The following CUL1 variants were observed in gnomAD, a reference collection of about 807,000 sequenced individuals.
CUL1 encodes cullin-1.
CUL1 carries 24 observed loss-of-function variants against 118.0 expected under a neutral mutation model. The observed-to-expected ratio is 0.20, with a 90% CI of 0.15 to 0.29. CUL1 has a LOEUF of 0.29. Among genes scored for constraint, CUL1 ranks in the 10% least tolerant of loss-of-function variants. CUL1 has a pLI of 1.00. For missense variants in CUL1, 361 were observed against 933.8 expected, an observed-to-expected ratio of 0.39 and a Z score of 7.99; for synonymous variants, 332 against 340.4, an observed-to-expected ratio of 0.98 and a Z score of 0.27.
rs553966274 is a variant in CUL1 at position 148,754,574 on chromosome 7, G to T, written c.315+424G>T. ...TTTGGATTTGGTTGTTAGAAATGAT[G>T]AACTTTTTCATTTAAAGCAAATATG... On this transcript the variant is annotated intron_variant, in intron 3 of 21. Coordinates refer to ENST00000325222, the MANE Select transcript of CUL1 (RefSeq NM_003592.3). 3.3e-5 allele frequency among the ~76,000 whole-genome samples: 5 copies of T among 152,256 alleles called. No individual in the cohort carries two copies. The East Asian group carries it at 9.6e-4, about 29-fold the overall frequency.
At chr7:148,737,416 A>T (rs1798985846) in intron 2 of CUL1, among the ~76,000 whole-genome samples, 1 of 151,996 alleles carries the variant, frequency 6.6e-6, no homozygotes, top group Non-Finnish European at 1.5e-5. Flanking sequence ...AAATGCACGT[A>T]CCCACAGACT....
intron 9 of CUL1, chr7:148,783,237 C>T: frequency 7.2e-6 from 5 of 695,254 alleles, no homozygotes; most frequent in Non-Finnish European, 8.9e-6. Flanking sequence ...TGCCCTGCGC[C>T]GCGCTCCGCC....
chr7:148,784,406 T>G (rs1165985179), intron 11 of CUL1, among the ~76,000 whole-genome samples: 1 of 152,222 alleles, frequency 6.6e-6, no homozygotes, highest in Non-Finnish European at 1.5e-5. Flanking sequence ...GCCTTTGTTA[T>G]TCTGTGTAGT....
Position 148,714,348 on chromosome 7 carries a change from T to A in CUL1, c.-162+15319T>A, listed in dbSNP as rs189770755. 2.6e-3 allele frequency among the ~76,000 whole-genome samples: 390 copies of A among 152,346 alleles called. 2 individuals carry two copies. Among genetic ancestry groups the A allele is most frequent in the Non-Finnish European group, 4.3e-3 (291 of 68,032 alleles). On this transcript the variant is annotated intron_variant, in intron 1 of 21. Transcript: ENST00000325222. ...GTACTATAAGCAGTTTTTTCTCTTT[T>A]GTTTTGCTTTTAAGCAATTTTCAGT...
chr7:148,725,247 A>ACC (rs1554463830), intron 1 of CUL1, among the ~76,000 whole-genome samples: 4,596 of 150,998 alleles, frequency 0.03, 267 homozygotes, highest in African/African-American at 0.11. Context: ...ACACACACAC[A>ACC]CCCGTACCCC....
intron 9 of CUL1, among the ~76,000 whole-genome samples, chr7:148,772,899 TCTC>T (rs1800263446): frequency 6.6e-6 from 1 of 151,934 alleles, no homozygotes; most frequent in East Asian, 1.9e-4. Flanking sequence ...TAGCAAGCTG[TCTC>T]CTCCTCTGTC....
At chr7:148,783,055 T>C (rs902542635) in intron 9 of CUL1, among the ~76,000 whole-genome samples, 1 of 152,100 alleles carries the variant, frequency 6.6e-6, no homozygotes, top group Non-Finnish European at 1.5e-5. Context: ...TCATGAAGGG[T>C]GGTGGCGGCG....
intron 1 of CUL1, among the ~76,000 whole-genome samples, chr7:148,718,973 T>C (rs1248201818): frequency 1.3e-5 from 2 of 152,172 alleles, no homozygotes; most frequent in African/African-American, 4.8e-5. Context: ...TTAGAGCCAG[T>C]GGACTTAAAG....
chr7:148,698,483 C>A (rs1439855834), upstream of CUL1: 1 of 152,156 alleles, frequency 6.6e-6, no homozygotes, highest in East Asian at 1.9e-4. Flanking sequence ...GGCAGAGAAT[C>A]CGGCGCGCCG....
Position 148,800,402 on chromosome 7 carries a change from CAG to C in CUL1, c.2251-99_2251-98del, listed in dbSNP as rs542718421. 91 of 919,334 alleles carry C rather than the reference CAG, an allele frequency of 9.9e-5. No individual in the cohort carries two copies. The highest frequency in any genetic ancestry group is 2.6e-4 in the African/African-American group (16 of 60,980). 56.9% of individuals were successfully genotyped at this position (919,334 alleles called of 1,614,324 possible). On this transcript the variant is annotated intron_variant, in intron 21 of 21. Coordinates refer to ENST00000325222, the MANE Select transcript of CUL1 (RefSeq NM_003592.3). The surrounding 1 kb of genome is among the most constrained non-coding windows in gnomAD (Gnocchi z 4.6). ...CACTGCTCCCCACTGAGCTCCGAATCAGGGGAGATTTGTGGTGGGGGCAGCCT... is the reference window on the plus strand; with the variant it reads ...CACTGCTCCCCACTGAGCTCCGAATCGGGAGATTTGTGGTGGGGGCAGCCT...
intron 11 of CUL1, among the ~76,000 whole-genome samples, chr7:148,784,457 C>CA: frequency 6.6e-6 from 1 of 152,310 alleles, no homozygotes. Flanking sequence ...GTTGCTGTTT[C>CA]ATATTCTTTA....
chr7:148,730,370 G>A, intron 2 of CUL1, 108 bp downstream of exon 2: 2 of 1,261,618 alleles, frequency 1.6e-6, no homozygotes, highest in Non-Finnish European at 2.1e-6. Flanking sequence ...AGTTCATCAT[G>A]TAAAATAATC....
At chr7:148,737,789 C>A (rs563543605) in intron 2 of CUL1, among the ~76,000 whole-genome samples, 1 of 151,554 alleles carries the variant, frequency 6.6e-6, no homozygotes, top group South Asian at 2.1e-4. Flanking sequence ...TTAGTAGATA[C>A]GGGGTTTCAT....
intron 9 of CUL1, among the ~76,000 whole-genome samples, chr7:148,774,770 G>C (rs1370230032): frequency 6.6e-6 from 1 of 152,208 alleles, no homozygotes; most frequent in Non-Finnish European, 1.5e-5. Flanking sequence ...AGGGCTGCTG[G>C]GTCTAACATT....
At position 148,787,969 on chromosome 7, in the gene CUL1, G is replaced by C. The variant is rs561323506; in HGVS notation, c.1480-588G>C. The stretch of plus-strand genomic sequence containing the variant: ...CCAGGTAGCTTAAACAACAGAAATA[G>C]TTTCTCACAATTCTGGGGGCCACAA... On this transcript the variant is annotated intron_variant, in intron 13 of 21. Transcript: ENST00000325222. This position sits in a 1 kb window ranked among gnomAD's most constrained non-coding sequence, Gnocchi z 5.5. 9.8e-5 allele frequency among the ~76,000 whole-genome samples: 15 copies of C among 152,306 alleles called. No homozygotes were observed. The South Asian group carries it at 3.1e-3, about 32-fold the overall frequency.
intron 1 of CUL1, among the ~76,000 whole-genome samples, chr7:148,705,799 C>T (rs1229232508): frequency 6.6e-6 from 1 of 152,162 alleles, no homozygotes; most frequent in Non-Finnish European, 1.5e-5. Flanking sequence ...TCTATAGGAA[C>T]TTGGAGACTT....
At chr7:148,713,582 GA>G (rs1000721707) in intron 1 of CUL1, among the ~76,000 whole-genome samples, 10 of 151,722 alleles carry the variant, frequency 6.6e-5, no homozygotes, top group South Asian at 2.1e-4. Flanking sequence ...AACTCTAAGA[GA>G]AAAAAAATTG....
chr7:148,763,344 A>G (rs544574500), intron 7 of CUL1, among the ~76,000 whole-genome samples: 18 of 152,244 alleles, frequency 1.2e-4, no homozygotes, highest in Middle Eastern at 3.4e-3. Flanking sequence ...ATCCACTTGG[A>G]TCACACCAAA....
At chr7:148,715,584 A>T (rs1293478074) in intron 1 of CUL1, among the ~76,000 whole-genome samples, 1 of 152,120 alleles carries the variant, frequency 6.6e-6, no homozygotes, top group Non-Finnish European at 1.5e-5. Context: ...GAGGCAAGGG[A>T]CTACTTTGCC....
Sources: allele counts gnomAD v4.1 joint callset (sites outside exome capture counted in the v4.1 genomes callset), GRCh38; gene constraint gnomAD v4.1.1; non-coding constraint Gnocchi (gnomAD v3.1); transcripts MANE v1.5; gene names NCBI Gene and HGNC (gene_info 2026-07-23, HGNC 2026-07-21).